SORCS3: variants seen among roughly 807,000 people sequenced by gnomAD.
SORCS3 encodes the protein sortilin related VPS10 domain containing receptor 3, also known as VPS10 domain-containing receptor SorCS3.
In SORCS3, 57 loss-of-function variants were observed where a neutral mutation model predicts 146.3. The ratio of observed to expected loss-of-function variants is 0.39; its 90% CI spans 0.31 to 0.49. SORCS3 has a LOEUF of 0.49. SORCS3 is among the 20% of genes least tolerant of loss of function. The pLI, the probability that SORCS3 is intolerant of heterozygous loss-of-function variation, is 0.92. For missense variants in SORCS3, 1,341 were observed against 1,575.5 expected (o/e 0.85, Z 2.52); for synonymous variants, 653 against 618.5 (o/e 1.06, Z -0.83).
intron 1 of SORCS3, among the ~76,000 whole-genome samples, chr10:104,831,272 C>T (rs2017997787): frequency 1.3e-5 from 2 of 152,000 alleles, no homozygotes; most frequent in South Asian, 4.1e-4. Flanking sequence ...ATCTTATAAC[C>T]CAAAGTAGTT....
chr10:105,109,905 A>G (rs1161045706), intron 7 of SORCS3, among the ~76,000 whole-genome samples: 2 of 151,940 alleles, frequency 1.3e-5, no homozygotes, highest in Non-Finnish European at 2.9e-5. Flanking sequence ...TGTTAAATAG[A>G]TTGAATTTTT....
chr10:105,095,695 A>T (rs1047948289), intron 6 of SORCS3, among the ~76,000 whole-genome samples: 2 of 152,002 alleles, frequency 1.3e-5, no homozygotes, highest in Non-Finnish European at 2.9e-5. Flanking sequence ...TATCTTTTTG[A>T]GCAGTAAAGA....
chr10:104,704,335 TTTTG>T (rs758154823), intron 1 of SORCS3, among the ~76,000 whole-genome samples: 32 of 151,992 alleles, frequency 2.1e-4, no homozygotes, highest in Non-Finnish European at 5.9e-5. Context: ...GCCCAGCTAT[TTTTG>T]TTTGTTTGTT....
chr10:105,175,188 C>T (rs1377024965), intron 13 of SORCS3, among the ~76,000 whole-genome samples: 1 of 151,728 alleles, frequency 6.6e-6, no homozygotes, highest in Non-Finnish European at 1.5e-5. Context: ...GCTGGGATTA[C>T]AGGCATGCGC....
At chr10:105,043,750 GTGA>G (rs2055352384) in intron 5 of SORCS3, among the ~76,000 whole-genome samples, 1 of 152,124 alleles carries the variant, frequency 6.6e-6, no homozygotes, top group African/African-American at 2.4e-5. Context: ...CATGTCACAT[GTGA>G]TAAATCCTTC....
intron 8 of SORCS3, among the ~76,000 whole-genome samples, chr10:105,144,337 C>G (rs1027339010): frequency 1.3e-5 from 2 of 152,168 alleles, no homozygotes; most frequent in African/African-American, 2.4e-5. Context: ...GATGTCTCCA[C>G]CATCAGAAGA....
At chr10:104,739,205 A>G (rs904872496) in intron 1 of SORCS3, among the ~76,000 whole-genome samples, 1 of 152,240 alleles carries the variant, frequency 6.6e-6, no homozygotes, top group Non-Finnish European at 1.5e-5. Context: ...AGCGATGTCA[A>G]GACACTGGAG....
At chr10:104,749,060 C>G (rs1024764218) in intron 1 of SORCS3, among the ~76,000 whole-genome samples, 1 of 152,132 alleles carries the variant, frequency 6.6e-6, no homozygotes, top group African/African-American at 2.4e-5. Flanking sequence ...GGGGGGCAGG[C>G]AATTCCAAGG....
At chr10:105,175,774 AGAT>A (rs1379164920) in intron 13 of SORCS3, among the ~76,000 whole-genome samples, 2 of 152,216 alleles carry the variant, frequency 1.3e-5, no homozygotes, top group Non-Finnish European at 2.9e-5. Context: ...AATTCAAGAC[AGAT>A]GATGATAATT....
intron 5 of SORCS3, among the ~76,000 whole-genome samples, chr10:105,046,574 G>A (rs2055373180): frequency 6.6e-6 from 1 of 152,130 alleles, no homozygotes; most frequent in East Asian, 1.9e-4. Flanking sequence ...ATTGGAAATT[G>A]TAAGGAGTTA....
chr10:105,228,312 C>A (rs1163809835), intron 20 of SORCS3, among the ~76,000 whole-genome samples: 1 of 151,584 alleles, frequency 6.6e-6, no homozygotes, highest in Non-Finnish European at 1.5e-5. Flanking sequence ...TGCCTGCCTG[C>A]CCTGCCCTCC....
At chr10:104,814,287 C>T (rs565091602) in intron 1 of SORCS3, among the ~76,000 whole-genome samples, 6 of 152,228 alleles carry the variant, frequency 3.9e-5, no homozygotes, top group African/African-American at 1.4e-4. Context: ...TCTTTCCCTC[C>T]GATCTTCCTG....
chr10:105,164,884 AT>A (rs1309205496), intron 12 of SORCS3, among the ~76,000 whole-genome samples: 1 of 152,174 alleles, frequency 6.6e-6, no homozygotes, highest in Non-Finnish European at 1.5e-5. Flanking sequence ...ATGAGTAAGT[AT>A]GAAACAGATA....
At chr10:104,905,997 G>A (rs539856414) in intron 2 of SORCS3, among the ~76,000 whole-genome samples, 1 of 152,328 alleles carries the variant, frequency 6.6e-6, no homozygotes, top group African/African-American at 2.4e-5. Flanking sequence ...AGGGTAGGAA[G>A]GTGGTCTGAA....
intron 1 of SORCS3, among the ~76,000 whole-genome samples, chr10:104,819,444 C>T (rs1369983465): frequency 1.3e-5 from 2 of 152,192 alleles, no homozygotes; most frequent in Admixed American, 1.3e-4. Context: ...CACACATATC[C>T]ACTCTTTCAG....
intron 1 of SORCS3, among the ~76,000 whole-genome samples, chr10:104,826,620 CT>C (rs982876048): frequency 2.5e-4 from 38 of 152,300 alleles, no homozygotes; most frequent in African/African-American, 8.9e-4. Flanking sequence ...GAGAAATCAT[CT>C]TTTTTGCTGG....
chr10:104,947,124 C>A (rs924647072), intron 3 of SORCS3, among the ~76,000 whole-genome samples: 1 of 152,156 alleles, frequency 6.6e-6, no homozygotes, highest in African/African-American at 2.4e-5. Context: ...TAATGTGCTA[C>A]CCTTATCCTC....
chr10:104,936,940 G>A (rs1589556674), intron 3 of SORCS3, among the ~76,000 whole-genome samples: 1 of 152,308 alleles, frequency 6.6e-6, no homozygotes, highest in East Asian at 1.9e-4. Context: ...GGAAGATGTG[G>A]CAGAGGTCAC....
intron 16 of SORCS3, among the ~76,000 whole-genome samples, chr10:105,203,734 C>T (rs7913508): frequency 9.9e-5 from 15 of 152,188 alleles, no homozygotes; most frequent in South Asian, 4.2e-4. Context: ...TGACATCTAC[C>T]GCATTGGGTC....
Sources: gnomAD v4.1 joint callset for allele counts (sites outside exome capture counted in the v4.1 genomes callset) on GRCh38, gnomAD v4.1.1 for gene constraint, MANE v1.5 for transcripts, NCBI Gene and HGNC (gene_info 2026-07-23, HGNC 2026-07-21) for gene names.